The following NUB1 variants were observed in gnomAD, a reference collection of about 807,000 sequenced individuals.
NUB1 encodes the protein NEDD8 ultimate buster 1.
A neutral mutation model predicts 77.1 loss-of-function variants in NUB1; 41 were observed. That is an observed-to-expected ratio of 0.53 (90% CI 0.41 to 0.69). NUB1 has a LOEUF of 0.69. Ranked by LOEUF, NUB1 falls within the 30% of genes least tolerant of loss-of-function variation. The pLI, the probability that NUB1 is intolerant of heterozygous loss-of-function variation, is 0.00. For missense variants in NUB1, 643 were observed against 743.8 expected (o/e 0.86, Z 1.58); for synonymous variants, 257 against 281.0 (o/e 0.91, Z 0.85).
chr7:151,364,929 A>G (rs1056999854), intron 8 of NUB1, among the ~76,000 whole-genome samples: 5 of 151,930 alleles, frequency 3.3e-5, no homozygotes, highest in African/African-American at 9.7e-5. Flanking sequence ...TAATGCTACT[A>G]AAATTGTAAA....
chr7:151,372,239 A>C (rs1368637654), intron 11 of NUB1, among the ~76,000 whole-genome samples: 5 of 152,240 alleles, frequency 3.3e-5, no homozygotes, highest in African/African-American at 9.6e-5. Context: ...ACTTCAGTGC[A>C]GTACTCACTG....
chr7:151,344,782 T>A (rs1184835579), intron 1 of NUB1, among the ~76,000 whole-genome samples: 1 of 152,062 alleles, frequency 6.6e-6, no homozygotes, highest in African/African-American at 2.4e-5. Flanking sequence ...GGTGGATCAC[T>A]TGAGGTCAGG....
chr7:151,360,151 T>C lies in NUB1; in HGVS notation c.704T>C (p.Leu235Ser), dbSNP rs1346796760. ...TGTATTTTTTCCTAGGCCCTTATGT[T>C]AGCTATGGGATATCATGAGAAGGGC... is the stretch of plus-strand genomic sequence containing the variant. ...IPPSERKALM[L>S]AMGYHEKGRA... The change falls in exon 8 of 15, where the codon TTA becomes TCA. Residue 235 changes from leucine to serine, a missense_variant. Leu to Ser is a moderately radical substitution (Grantham distance 145, BLOSUM62 -2). Coordinates refer to ENST00000568733, the MANE Select transcript of NUB1 (RefSeq NM_001243351.2). The C allele has an allele frequency of 6.4e-7, 1 of 1,569,292 alleles. No homozygotes were observed.
intron 8 of NUB1, 117 bp from the exon 9 acceptor site, chr7:151,366,822 C>G (rs1032187781): frequency 3.1e-5 from 23 of 743,972 alleles, no homozygotes; most frequent in Middle Eastern, 3.9e-4. Context: ...GAGCAGTCAG[C>G]CTTTGAATAT....
At position 151,377,885 on chromosome 7, in the gene NUB1, A is replaced by C. The variant is rs113863983; in HGVS notation, c.*660A>C. 2 of 152,346 alleles carry C rather than the reference A, an allele frequency of 1.3e-5. No individual in the cohort carries two copies. Among genetic ancestry groups the C allele is most frequent in the African/African-American group, 4.8e-5 (2 of 41,566 alleles). 9.4% of individuals were successfully genotyped at this position (152,346 alleles called of 1,614,324 possible). On this transcript the variant is annotated 3_prime_UTR_variant, in exon 15 of 15. Coordinates refer to ENST00000568733, the MANE Select transcript of NUB1 (RefSeq NM_001243351.2). ...AATTCAAGATTGAGTGTCAGGCTTTATATATATTCAGCATTCCTCATTACA... is the reference window on the plus strand; with the variant it reads ...AATTCAAGATTGAGTGTCAGGCTTTCTATATATTCAGCATTCCTCATTACA...
chr7:151,370,002 T>G (rs990437191), intron 11 of NUB1, among the ~76,000 whole-genome samples: 1 of 152,210 alleles, frequency 6.6e-6, no homozygotes, highest in African/African-American at 2.4e-5. Context: ...CTGTGGTCAT[T>G]ACCTTTCTCT....
At chr7:151,349,281 G>A in intron 3 of NUB1, 41 bp downstream of exon 3, 2 of 1,471,940 alleles carry the variant, frequency 1.4e-6, no homozygotes. Context: ...CTAATGTCCA[G>A]TTAGTGATGA....
At chr7:151,365,194 G>A (rs553286313) in intron 8 of NUB1, among the ~76,000 whole-genome samples, 3 of 151,954 alleles carry the variant, frequency 2.0e-5, no homozygotes, top group African/African-American at 7.2e-5. Context: ...TTTAAATATA[G>A]TTTTATATAT....
Position 151,375,216 on chromosome 7 carries a change from C to T in NUB1, c.1396-632C>T, listed in dbSNP as rs377552432. Among the ~76,000 whole-genome samples, 10 of 152,082 alleles carry T rather than the reference C, an allele frequency of 6.6e-5. No individual in the cohort carries two copies. The East Asian group carries it at 1.2e-3, about 18-fold the overall frequency. On this transcript the variant is annotated intron_variant, in intron 12 of 14. Transcript: ENST00000568733. ...TATGTACATGTATATTTAACATATA[C>T]GTTAAATTTTAAATTTTTATTTGAA...
intron 3 of NUB1, 62 bp downstream of exon 3, chr7:151,349,302 ATTG>A (rs769380206): frequency 1.9e-5 from 26 of 1,352,964 alleles, no homozygotes; most frequent in Non-Finnish European, 2.5e-5. Context: ...GGTCAAATAA[ATTG>A]TTGTTGTTTG....
rs1798093613 is a variant in NUB1 at position 151,374,154 on chromosome 7, A to G, written c.1306A>G (p.Ile436Val). The G allele has an allele frequency of 1.9e-6, 3 of 1,577,056 alleles. No individual in the cohort carries two copies. Among genetic ancestry groups the G allele is most frequent in the Non-Finnish European group, 1.7e-6 (2 of 1,161,846 alleles). ...KEKKRRRLEN[I>V]RFLKGMGYST... ...GAAGAAAAGACGCCGCCTCGAGAAC[A>G]TCAGGTTTCTGAAAGGGATGGGCTA... The change falls in exon 12 of 15, where the codon ATC becomes GTC. Residue 436 changes from isoleucine to valine, a missense_variant. Transcript: ENST00000568733.
intron 7 of NUB1, among the ~76,000 whole-genome samples, chr7:151,356,739 C>T (rs879065512): frequency 8.6e-5 from 13 of 152,030 alleles, no homozygotes; most frequent in Non-Finnish European, 1.3e-4. Context: ...GTTTTTGAGA[C>T]GGAGTTTTGC....
chr7:151,361,563 G>A (rs76042785), intron 8 of NUB1, among the ~76,000 whole-genome samples: 2 of 152,356 alleles, frequency 1.3e-5, no homozygotes, highest in East Asian at 3.9e-4. Context: ...CATTTGAAAA[G>A]TAGACTTGAT....
intron 4 of NUB1, chr7:151,352,188 C>T (rs1252474574): frequency 1.1e-5 from 5 of 456,506 alleles, no homozygotes; most frequent in Non-Finnish European, 1.8e-5. Context: ...AGGGAGACCA[C>T]AGAAGGTATA....
Position 151,356,172 on chromosome 7 carries a change from A to G in NUB1, c.643A>G (p.Ile215Val). ...TCCAGAAATGACACCGTACTTAGAC[A>G]TAGCTAACCAGACAGGCAGATCAAT... The part of the protein sequence containing the change: ...VDPEMTPYLD[I>V]ANQTGRSIRI... Residue 215 changes from isoleucine to valine, a missense_variant, in exon 7 of 15, where the codon ATA becomes GTA. Coordinates refer to ENST00000568733, the MANE Select transcript of NUB1 (RefSeq NM_001243351.2). The G allele has an allele frequency of 6.2e-7, 1 of 1,614,010 alleles. No individual in the cohort carries two copies. Among genetic ancestry groups the G allele is most frequent in the Non-Finnish European group, 8.5e-7 (1 of 1,179,858 alleles).
intron 8 of NUB1, among the ~76,000 whole-genome samples, chr7:151,363,399 T>C (rs1797479237): frequency 6.6e-6 from 1 of 151,156 alleles, no homozygotes; most frequent in Non-Finnish European, 1.5e-5. Flanking sequence ...AAGAGAAGAT[T>C]AGTTAAATGT....
chr7:151,371,175 C>T (rs1393154696), intron 11 of NUB1, among the ~76,000 whole-genome samples: 1 of 152,166 alleles, frequency 6.6e-6, no homozygotes. Context: ...AGTTACGATG[C>T]CTTTGGCTGA....
intron 12 of NUB1, among the ~76,000 whole-genome samples, chr7:151,375,019 C>T (rs970943531): frequency 3.2e-4 from 5 of 15,822 alleles, no homozygotes; most frequent in South Asian, 1.9e-3. Context: ...GTGCTGGGGG[C>T]GGGGCTGGGG....
rs1028866801 is a variant in NUB1 at position 151,351,451 on chromosome 7, T to C, written c.313T>C (p.Leu105=). ...TAGGAAAAACTTGTTGGAGACCCGATTGCACATCACTGGCAGAGAACTGAG... is the reference window on the plus strand; with the variant it reads ...TAGGAAAAACTTGTTGGAGACCCGACTGCACATCACTGGCAGAGAACTGAG... ...KDRKNLLETR[L]HITGRELRSK... is the part of the protein sequence containing the mutation. Residue 105 remains leucine (L), a synonymous_variant, in exon 4 of 15, where the codon TTG becomes CTG. Coordinates refer to ENST00000568733, the MANE Select transcript of NUB1 (RefSeq NM_001243351.2). The C allele has an allele frequency of 1.9e-6, 3 of 1,613,108 alleles. No homozygotes were observed. The African/African-American group carries it at 4.0e-5, about 22-fold the overall frequency.
Sources: allele counts gnomAD v4.1 joint callset (sites outside exome capture counted in the v4.1 genomes callset), GRCh38; gene constraint gnomAD v4.1.1; transcripts MANE v1.5; gene names NCBI Gene and HGNC (gene_info 2026-07-23, HGNC 2026-07-21).